The following SDK1 variants were observed in gnomAD, a reference collection of about 807,000 sequenced individuals.
SDK1 encodes sidekick cell adhesion molecule 1, also known as protein sidekick-1.
Under a neutral mutation model 245.5 loss-of-function variants are expected in SDK1, and 157 were observed. The observed-to-expected ratio is 0.64, with a 90% CI of 0.56 to 0.73. The LOEUF (loss-of-function observed/expected upper bound fraction) is 0.73, where lower values mean the gene tolerates loss of function less well. Ranked by LOEUF, SDK1 falls within the 30% of genes least tolerant of loss-of-function variation. The pLI, the probability that SDK1 is intolerant of heterozygous loss-of-function variation, is 0.00. For missense variants in SDK1, 3,583 were observed against 3,002.3 expected (o/e 1.19, Z -4.52); for synonymous variants, 1,647 against 1,278.5 (o/e 1.29, Z -6.15).
At chr7:4,089,285 C>T (rs1781634272) in intron 22 of SDK1, among the ~76,000 whole-genome samples, 1 of 152,242 alleles carries the variant, frequency 6.6e-6, no homozygotes, top group Admixed American at 6.5e-5. Flanking sequence ...TCCTGCCACA[C>T]GTTGTGGGTG....
chr7:3,594,643 T>A (rs185353378), intron 1 of SDK1, among the ~76,000 whole-genome samples: 408 of 152,312 alleles, frequency 2.7e-3, no homozygotes, highest in Non-Finnish European at 5.1e-3. Flanking sequence ...TACTGGGTGG[T>A]TTGGGTGGGT....
intron 1 of SDK1, among the ~76,000 whole-genome samples, chr7:3,365,595 A>G (rs1781067134): frequency 6.6e-6 from 1 of 152,212 alleles, no homozygotes; most frequent in African/African-American, 2.4e-5. Flanking sequence ...TATACACATA[A>G]ATGTTTTAAA....
chr7:3,723,849 C>T (rs1388118932), intron 4 of SDK1, among the ~76,000 whole-genome samples: 2 of 138,952 alleles, frequency 1.4e-5, no homozygotes, highest in Non-Finnish European at 3.1e-5. Context: ...TATACACGTA[C>T]ATATACATAT....
At chr7:3,804,331 A>G (rs1446225542) in intron 4 of SDK1, among the ~76,000 whole-genome samples, 1 of 152,108 alleles carries the variant, frequency 6.6e-6, no homozygotes, top group Non-Finnish European at 1.5e-5. Flanking sequence ...CTTTGGTACC[A>G]TTGTTAAAAA....
chr7:3,577,736 G>C (rs933207718), intron 1 of SDK1, among the ~76,000 whole-genome samples: 3 of 152,068 alleles, frequency 2.0e-5, no homozygotes, highest in African/African-American at 7.2e-5. Context: ...GGCATTTTCT[G>C]TGTTAGTAAC....
At chr7:4,057,955 A>G (rs1311325505) in intron 19 of SDK1, among the ~76,000 whole-genome samples, 1 of 152,188 alleles carries the variant, frequency 6.6e-6, no homozygotes, top group African/African-American at 2.4e-5. Flanking sequence ...CAACTGTTAC[A>G]CCAGATGTGC....
At chr7:4,218,612 G>T (rs181621420) in intron 38 of SDK1, among the ~76,000 whole-genome samples, 1 of 152,162 alleles carries the variant, frequency 6.6e-6, no homozygotes, top group Non-Finnish European at 1.5e-5. Context: ...GATGACTGGG[G>T]TATTCCAGGT....
In SDK1 at chr7:4,233,042, G is replaced by C. The variant is rs564410540; in HGVS notation, c.5828-213G>C. On this transcript the variant is annotated intron_variant, in intron 40 of 44. Transcript: ENST00000404826. ...TGTCCAGTTCAGTAGCATTGAGCAC[G>C]TTGTTCTACAATCATCACACCATTC... 2.2e-3 allele frequency: 1,157 copies of C among 514,998 alleles called. 6 individuals are homozygous for C. The highest frequency in any genetic ancestry group is 3.0e-3 in the Non-Finnish European group (844 of 285,920). 31.9% of individuals were successfully genotyped at this position (514,998 alleles called of 1,614,324 possible).
intron 1 of SDK1, among the ~76,000 whole-genome samples, chr7:3,307,786 A>G (rs984122294): frequency 2.0e-5 from 3 of 152,110 alleles, no homozygotes; most frequent in African/African-American, 7.2e-5. Flanking sequence ...CAATATGAGG[A>G]AGTCTATTAG....
Position 3,858,866 on chromosome 7 carries a change from C to T in SDK1, c.847+37283C>T, listed in dbSNP as rs1052862217. Among the ~76,000 whole-genome samples the T allele has an allele frequency of 7.0e-3, 920 of 131,336 alleles. 10 individuals are homozygous for T. The highest frequency in any genetic ancestry group is 0.026 in the African/African-American group (858 of 33,326). 86.2% of individuals were successfully genotyped at this position (131,336 alleles called of 152,430 possible). ...CTAAAACCTTGTATTTTTCTTTTTT[C>T]TTTTTTTTTTTTTTGAGATAGAGTC... On this transcript the variant is annotated intron_variant, in intron 5 of 44. Transcript: ENST00000404826.
intron 22 of SDK1, among the ~76,000 whole-genome samples, chr7:4,089,714 T>G (rs1183170774): frequency 1.3e-5 from 2 of 152,234 alleles, no homozygotes; most frequent in African/African-American, 4.8e-5. Context: ...GGTTAAACAT[T>G]TCATGTGGAA....
At chr7:3,567,422 T>A (rs1158088167) in intron 1 of SDK1, among the ~76,000 whole-genome samples, 4 of 152,234 alleles carry the variant, frequency 2.6e-5, no homozygotes, top group African/African-American at 9.6e-5. Flanking sequence ...GTATGGACTT[T>A]CCAAAGGCTC....
chr7:3,522,555 G>T lies in SDK1; in HGVS notation c.299-96525G>T, dbSNP rs1007486241. On this transcript the variant is annotated intron_variant, in intron 1 of 44. Transcript: ENST00000404826. The stretch of plus-strand genomic sequence containing the variant: ...CTTGGGTGCCCCTTCAGCTTATTAT[G>T]GGTCCTGGCTCATAGAAGGAGCCCT... Among the ~76,000 whole-genome samples, 5 of 149,626 alleles carry T rather than the reference G, an allele frequency of 3.3e-5. No individual in the cohort carries two copies. The South Asian group carries it at 6.4e-4, about 19-fold the overall frequency.
intron 5 of SDK1, among the ~76,000 whole-genome samples, chr7:3,869,627 T>G (rs1780910674): frequency 6.6e-6 from 1 of 152,208 alleles, no homozygotes; most frequent in Admixed American, 6.5e-5. Flanking sequence ...AGCACTCGGC[T>G]TCCACAGGCC....
At chr7:4,005,967 C>CT (rs11426896) in intron 14 of SDK1, among the ~76,000 whole-genome samples, 45,374 of 151,946 alleles carry the variant, frequency 0.3, 7,371 homozygotes, top group African/African-American at 0.43. Context: ...AAGAACATGA[C>CT]TAAGGCAGGA....
At chr7:3,732,531 A>T (rs1249827824) in intron 4 of SDK1, among the ~76,000 whole-genome samples, 2 of 152,172 alleles carry the variant, frequency 1.3e-5, no homozygotes, top group African/African-American at 4.8e-5. Flanking sequence ...TTTCTTTCAC[A>T]TATTTCCTTT....
rs926555969 is a variant in SDK1 at position 3,510,605 on chromosome 7, C to T, written c.299-108475C>T. ...GAAAGAATACAGGCTCAGAGAATGGCCCAAGACAGGTTTTAGTGGCAAGAC... is the reference window on the plus strand; with the variant it reads ...GAAAGAATACAGGCTCAGAGAATGGTCCAAGACAGGTTTTAGTGGCAAGAC... On this transcript the variant is annotated intron_variant, in intron 1 of 44. Coordinates refer to ENST00000404826, the MANE Select transcript of SDK1 (RefSeq NM_152744.4). Among the ~76,000 whole-genome samples the T allele has an allele frequency of 3.3e-5, 5 of 152,162 alleles. No homozygotes were observed. In the South Asian group the frequency reaches 6.2e-4, roughly 19 times the overall value.
At chr7:4,017,521 A>G (rs578096421) in intron 17 of SDK1, among the ~76,000 whole-genome samples, 169 bp downstream of exon 17, 7 of 152,328 alleles carry the variant, frequency 4.6e-5, no homozygotes, top group South Asian at 2.1e-4. Flanking sequence ...CTATTCCTCA[A>G]TGAAAACAGA....
chr7:3,757,785 C>T (rs1177753711), intron 4 of SDK1, among the ~76,000 whole-genome samples: 1 of 152,102 alleles, frequency 6.6e-6, no homozygotes, highest in African/African-American at 2.4e-5. Flanking sequence ...ATCGTTGGTC[C>T]TAGGTGATTG....
Sources: allele counts gnomAD v4.1 joint callset (sites outside exome capture counted in the v4.1 genomes callset), GRCh38; gene constraint gnomAD v4.1.1; transcripts MANE v1.5; gene names NCBI Gene and HGNC (gene_info 2026-07-23, HGNC 2026-07-21).